Variants in CDH8 observed in about 807,000 individuals in gnomAD.
CDH8 encodes the protein cadherin-8.
In CDH8, 17 loss-of-function variants were observed where a neutral mutation model predicts 68.1. The observed-to-expected ratio is 0.25, with a 90% CI of 0.17 to 0.37. The LOEUF (loss-of-function observed/expected upper bound fraction) is 0.37. Ranked by LOEUF, CDH8 falls within the 10% of genes least tolerant of loss-of-function variation. The pLI, the probability that CDH8 is intolerant of heterozygous loss-of-function variation, is 1.00. For missense variants in CDH8, 763 were observed against 999.3 expected, an observed-to-expected ratio of 0.76 and a Z score of 3.19; for synonymous variants, 372 against 365.1, an observed-to-expected ratio of 1.02 and a Z score of -0.21.
chr16:61,673,679 T>C (rs554174190), intron 10 of CDH8, among the ~76,000 whole-genome samples: 1 of 152,266 alleles, frequency 6.6e-6, no homozygotes, highest in East Asian at 1.9e-4. Context: ...TGAGGCACAT[T>C]CTCACTTTTT....
chr16:61,669,937 A>G (rs1055792956), intron 10 of CDH8, among the ~76,000 whole-genome samples: 6 of 152,066 alleles, frequency 3.9e-5, no homozygotes, highest in African/African-American at 4.8e-5. Flanking sequence ...ATTTCAAATA[A>G]CAAGCTATGT....
chr16:61,981,898 CT>C (rs974794887), intron 2 of CDH8, among the ~76,000 whole-genome samples: 1 of 152,042 alleles, frequency 6.6e-6, no homozygotes, highest in Non-Finnish European at 1.5e-5. Flanking sequence ...TTTACAATTC[CT>C]TTTTTTCTTC....
intron 8 of CDH8, among the ~76,000 whole-genome samples, chr16:61,768,304 G>GTGTCTCTCTCTCTCTCTCTCTCTC: frequency 1.4e-5 from 1 of 73,736 alleles, no homozygotes; most frequent in Non-Finnish European, 2.9e-5. Flanking sequence ...CTCTCTCTGT[G>GTGTCTCTCTCTCTCTCTCTCTCTC]TCTCTCCCTT....
At chr16:61,852,493 G>C (rs1014206507) in intron 4 of CDH8, among the ~76,000 whole-genome samples, 2 of 152,042 alleles carry the variant, frequency 1.3e-5, no homozygotes, top group African/African-American at 4.8e-5. Context: ...ATCTGAGCAA[G>C]AGTTTATTAT....
chr16:61,771,258 GT>G (rs1255356189), intron 8 of CDH8, among the ~76,000 whole-genome samples: 1 of 151,556 alleles, frequency 6.6e-6, no homozygotes, highest in Non-Finnish European at 1.5e-5. Flanking sequence ...ATGAATGTGG[GT>G]TTCTATGGTA....
chr16:61,718,593 T>G (rs1438488137), intron 9 of CDH8, among the ~76,000 whole-genome samples: 1 of 151,336 alleles, frequency 6.6e-6, no homozygotes. Flanking sequence ...AATTCTATTA[T>G]TATCTCCACT....
chr16:61,725,442 T>A (rs1959326246), intron 9 of CDH8: 2 of 150,868 alleles, frequency 1.3e-5, no homozygotes. Flanking sequence ...GAGTTTTGCA[T>A]GAGCAATGGA....
intron 9 of CDH8, among the ~76,000 whole-genome samples, chr16:61,720,475 CA>C (rs1959208797): frequency 6.6e-6 from 1 of 150,944 alleles, no homozygotes; most frequent in South Asian, 2.1e-4. Flanking sequence ...AGACTTTAAA[CA>C]ATCTTTTACA....
rs576719284 is a variant in CDH8, at chr16:61,673,901, A to G, written c.1655-18180T>C. Among the ~76,000 whole-genome samples, 3 of 152,266 alleles carry G rather than the reference A, an allele frequency of 2.0e-5. No individual in the cohort carries two copies. In the East Asian group the frequency reaches 5.8e-4, roughly 29 times the overall value. On this transcript the variant is annotated intron_variant, in intron 10 of 11. Coordinates refer to ENST00000577390, the MANE Select transcript of CDH8 (RefSeq NM_001796.5). The stretch of plus-strand genomic sequence containing the variant: ...CTGCAGAAAACAGATCTTGTGAAAT[A>G]TGATAAGGTTCATGAATCTTTGGTT...
chr16:61,665,798 T>TCCTTCCTTCCTC, intron 10 of CDH8, among the ~76,000 whole-genome samples: 1 of 137,508 alleles, frequency 7.3e-6, no homozygotes, highest in Non-Finnish European at 1.6e-5. Context: ...CTTCCTTCCT[T>TCCTTCCTTCCTC]CCTTCCTTTC....
At chr16:61,987,908 G>T (rs1041186942) in intron 2 of CDH8, among the ~76,000 whole-genome samples, 15 of 152,106 alleles carry the variant, frequency 9.9e-5, no homozygotes, top group African/African-American at 3.4e-4. Flanking sequence ...TATGAGGTAC[G>T]TAATATCATT....
chr16:61,924,709 A>T (rs1313571017), intron 2 of CDH8, among the ~76,000 whole-genome samples: 1 of 152,184 alleles, frequency 6.6e-6, no homozygotes, highest in Non-Finnish European at 1.5e-5. Context: ...CACTTAAACT[A>T]AAAACCTTCT....
chr16:61,839,467 G>C (rs2143007653), intron 4 of CDH8, among the ~76,000 whole-genome samples: 1 of 152,246 alleles, frequency 6.6e-6, no homozygotes, highest in African/African-American at 2.4e-5. Flanking sequence ...AGAAATTCTA[G>C]GTTTCCATTT....
At position 61,653,245 on chromosome 16, in the gene CDH8, C is replaced by T. The variant is rs1963364327; in HGVS notation, c.*363G>A. 8.5e-7 allele frequency: 1 copy of T among 1,181,928 alleles called. No individual in the cohort carries two copies. Among genetic ancestry groups the T allele is most frequent in the Admixed American group, 4.4e-5 (1 of 22,712 alleles). The allele number at this position is 1,181,928 out of a possible 1,614,324, so 73.2% of individuals were successfully genotyped here. ...TATCAGCAGCAGATTCCTTGCAGGT[C>T]CGTATTTTTTTTTCTAAGAAAGCAC... On this transcript the variant is annotated 3_prime_UTR_variant, in exon 12 of 12. Coordinates refer to ENST00000577390, the MANE Select transcript of CDH8 (RefSeq NM_001796.5).
intron 3 of CDH8, among the ~76,000 whole-genome samples, chr16:61,876,209 T>C (rs1484638750): frequency 6.6e-6 from 1 of 152,138 alleles, no homozygotes; most frequent in East Asian, 1.9e-4. Context: ...AATTAAGAAA[T>C]GTAGAATGCA....
intron 4 of CDH8, among the ~76,000 whole-genome samples, chr16:61,835,104 C>G (rs1962540710): frequency 6.6e-6 from 1 of 151,914 alleles, no homozygotes; most frequent in East Asian, 1.9e-4. Flanking sequence ...TAATATGATT[C>G]TGTTTGACAG....
chr16:61,725,533 T>C (rs1959332496), intron 9 of CDH8: 1 of 150,924 alleles, frequency 6.6e-6, no homozygotes, highest in African/African-American at 2.4e-5. Flanking sequence ...TTTGGCTACA[T>C]TATCTCAGCA....
chr16:61,859,159 T>TA (rs1425203141), intron 3 of CDH8, among the ~76,000 whole-genome samples: 1 of 152,084 alleles, frequency 6.6e-6, no homozygotes, highest in Admixed American at 6.5e-5. Context: ...TCTGCAGTTA[T>TA]AAAAAAATGC....
At chr16:61,990,254 A>T (rs551431031) in intron 2 of CDH8, among the ~76,000 whole-genome samples, 82 of 151,966 alleles carry the variant, frequency 5.4e-4, no homozygotes, top group African/African-American at 1.9e-3. Flanking sequence ...TTAGTTACTA[A>T]CAGGTATTCC....
Sources: gnomAD v4.1 joint callset for allele counts (sites outside exome capture counted in the v4.1 genomes callset) on GRCh38, gnomAD v4.1.1 for gene constraint, MANE v1.5 for transcripts, NCBI Gene and HGNC (gene_info 2026-07-23, HGNC 2026-07-21) for gene names.